The following SAFB variants were observed in gnomAD, a reference collection of about 807,000 sequenced individuals.
The protein encoded by SAFB is scaffold attachment factor B1.
SAFB carries 15 observed loss-of-function variants against 101.6 expected under a neutral mutation model. The observed-to-expected ratio is 0.15, with a 90% CI of 0.10 to 0.23. The LOEUF is 0.23. Among genes scored for constraint, SAFB ranks in the 10% least tolerant of loss-of-function variants. The pLI is 1.00. For missense variants in SAFB, 930 were observed against 1,104.1 expected, an observed-to-expected ratio of 0.84 and a Z score of 2.23; for synonymous variants, 449 against 407.5, an observed-to-expected ratio of 1.10 and a Z score of -1.23.
chr19:5,628,451 A>G, intron 2 of SAFB, among the ~76,000 whole-genome samples: 1 of 152,172 alleles, frequency 6.6e-6, no homozygotes, highest in South Asian at 2.1e-4. Context: ...ACACCTGAAG[A>G]TAATTTAATA....
In SAFB at chr19:5,626,461, CAAG is replaced by C; in HGVS notation, c.249_251del (p.Lys84del). The C allele has an allele frequency of 6.2e-7, 1 of 1,607,526 alleles. No homozygotes were observed. The highest frequency in any genetic ancestry group is 8.5e-7 in the Non-Finnish European group (1 of 1,174,060). On this transcript the variant is annotated inframe_deletion, in exon 2 of 21. Transcript: ENST00000588852. ...AAATTGAAATTACCTCCGAGGGAAA[CAAG>C]AAAACATCAAAGAGGTCTAGCAAAG...
chr19:5,653,124 G>A lies in SAFB; in HGVS notation c.1303G>A (p.Ala435Thr), dbSNP rs1402568400. 3 of 1,613,466 alleles carry A rather than the reference G, an allele frequency of 1.9e-6. No individual in the cohort carries two copies. The highest frequency in any genetic ancestry group is 1.7e-6 in the Non-Finnish European group (2 of 1,180,014). Residue 435 changes from alanine (A) to threonine (T), a missense_variant, in exon 10 of 21, where the codon GCC becomes ACC. By Grantham distance (58) the Ala-to-Thr change is moderately conservative (BLOSUM62 0). Coordinates refer to ENST00000588852, the MANE Select transcript of SAFB (RefSeq NM_001201338.2). ...LFSKYGKVVG[A>T]KVVTNARSPG... The stretch of plus-strand genomic sequence containing the variant: ...CCTGCTTTCCTTTGAGGTGGTGGGC[G>A]CCAAGGTTGTGACAAATGCCCGGAG...
Position 5,667,479 on chromosome 19 carries a change from G to A in SAFB, c.2557+29G>A, listed in dbSNP as rs1346774754. 5 of 1,443,928 alleles carry A rather than the reference G, an allele frequency of 3.5e-6. No individual in the cohort carries two copies. Among genetic ancestry groups the A allele is most frequent in the Non-Finnish European group, 4.7e-6 (5 of 1,071,020 alleles). The allele number at this position is 1,443,928 out of a possible 1,614,324, so 89.4% of individuals were successfully genotyped here. A position where few individuals can be genotyped will look rare whatever the true frequency, so the allele number is the denominator to read the frequency against. ...AGGAGCAGCTCTGGGCTGGGACCAG[G>A]ATGTGCTGGGGAGTGATGGAAAGAT... On this transcript the variant is annotated intron_variant, in intron 19 of 20. Coordinates refer to ENST00000588852, the MANE Select transcript of SAFB (RefSeq NM_001201338.2). This position sits in a 1 kb window ranked among gnomAD's most constrained non-coding sequence, Gnocchi z 4.0.
chr19:5,637,927 C>G (rs972631761), intron 2 of SAFB, among the ~76,000 whole-genome samples: 8 of 152,188 alleles, frequency 5.3e-5, no homozygotes. Context: ...ACATGGAAGA[C>G]AGTCAAAGAG....
At position 5,641,877 on chromosome 19, in the gene SAFB, C is replaced by T. The variant is rs1391962903; in HGVS notation, c.477C>T (p.Ser159=). 1.9e-6 allele frequency: 3 copies of T among 1,614,062 alleles called. No homozygotes were observed. The highest frequency in any genetic ancestry group is 2.2e-5 in the South Asian group (2 of 91,060). Residue 159 remains serine, a synonymous_variant, in exon 4 of 21, where the codon TCC becomes TCT. Transcript: ENST00000588852. ...ATGATGCTGATAACCTCCAGGAGTCCCTGTCGGATAGTAGAGAGCTAGTCG... is the reference window on the plus strand; with the variant it reads ...ATGATGCTGATAACCTCCAGGAGTCTCTGTCGGATAGTAGAGAGCTAGTCG... ...EDDDADNLQE[S]LSDSRELVEG...
At chr19:5,628,821 A>C (rs1294448139) in intron 2 of SAFB, among the ~76,000 whole-genome samples, 1 of 152,242 alleles carries the variant, frequency 6.6e-6, no homozygotes, top group Non-Finnish European at 1.5e-5. Flanking sequence ...AGTCCTGGAA[A>C]ATCAATGGAG....
At chr19:5,647,992 T>A in intron 5 of SAFB, 24 bp from the exon 6 acceptor site, 1 of 1,607,214 alleles carries the variant, frequency 6.2e-7, no homozygotes, top group South Asian at 1.1e-5. Context: ...TCTGGCACAG[T>A]CTTATTTACG....
intron 17 of SAFB, 113 bp downstream of exon 17, chr19:5,664,552 A>G: frequency 1.2e-6 from 1 of 814,252 alleles, no homozygotes; most frequent in South Asian, 1.4e-5. Flanking sequence ...ATGAGGAAAG[A>G]GAAAAGTAAA....
chr19:5,624,346 G>A lies in SAFB; in HGVS notation c.189+952G>A, dbSNP rs574766172. 2.6e-5 allele frequency among the ~76,000 whole-genome samples: 4 copies of A among 152,132 alleles called. No homozygotes were observed. In the East Asian group the frequency reaches 5.8e-4, roughly 22 times the overall value. On this transcript the variant is annotated intron_variant, in intron 1 of 20. Coordinates refer to ENST00000588852, the MANE Select transcript of SAFB (RefSeq NM_001201338.2). ...GGCGCATGTAAACACTCGGTGTGTGGTTGCCATCACGATTCGCTTTTCCTC... is the reference window on the plus strand; with the variant it reads ...GGCGCATGTAAACACTCGGTGTGTGATTGCCATCACGATTCGCTTTTCCTC...
At chr19:5,648,461 A>G (rs1251849449) in intron 6 of SAFB, 1 of 277,998 alleles carries the variant, frequency 3.6e-6, no homozygotes, top group Non-Finnish European at 6.9e-6. Context: ...ATTTTAAAAC[A>G]TAAATTTGAG....
intron 2 of SAFB, among the ~76,000 whole-genome samples, chr19:5,627,725 C>G (rs1870248697): frequency 1.3e-5 from 2 of 152,138 alleles, no homozygotes; most frequent in South Asian, 4.1e-4. Context: ...CCCCATCTGT[C>G]TGCCTTAGAG....
At chr19:5,629,516 GTTT>G (rs1157704516) in intron 2 of SAFB, among the ~76,000 whole-genome samples, 1 of 151,956 alleles carries the variant, frequency 6.6e-6, no homozygotes, top group Non-Finnish European at 1.5e-5. Flanking sequence ...AAATCTCACT[GTTT>G]TTTAACAGGC....
chr19:5,659,160 C>T (rs1334785335), intron 14 of SAFB, among the ~76,000 whole-genome samples: 1 of 150,912 alleles, frequency 6.6e-6, no homozygotes, highest in Non-Finnish European at 1.5e-5. Flanking sequence ...AAAAAATCAG[C>T]TGGGCGTGGT....
Position 5,623,411 on chromosome 19 carries a change from G to A in SAFB, c.189+17G>A, listed in dbSNP as rs369693695. The A allele has an allele frequency of 1.2e-6, 2 of 1,609,830 alleles. No homozygotes were observed. The highest frequency in any genetic ancestry group is 1.3e-5 in the African/African-American group (1 of 74,846). ...CTGAAGAAGGTGGATTTGGGGCCCC[G>A]AGGGCGGGCACAGGGTGGGTCTGGG... is the stretch of plus-strand genomic sequence containing the variant. On this transcript the variant is annotated intron_variant, in intron 1 of 20. Coordinates refer to ENST00000588852, the MANE Select transcript of SAFB (RefSeq NM_001201338.2).
chr19:5,663,838 A>G (rs2054269445), intron 15 of SAFB, among the ~76,000 whole-genome samples, 184 bp from the exon 16 acceptor site: 1 of 152,182 alleles, frequency 6.6e-6, no homozygotes, highest in Non-Finnish European at 1.5e-5. Flanking sequence ...AGGTGGGTGC[A>G]TGGGACAAAA....
intron 14 of SAFB, among the ~76,000 whole-genome samples, chr19:5,659,975 C>T (rs2054157968): frequency 6.6e-6 from 1 of 152,206 alleles, no homozygotes. Flanking sequence ...ACTAGGGGCT[C>T]CTCCGGAAGG....
Position 5,664,058 on chromosome 19 carries a change from C to T in SAFB, c.2190C>T (p.Ala730=), listed in dbSNP as rs367632649. ...CCTATTGGCCGGAAGCCAAGCGGGC[C>T]GCCCTGGATGAGCGCTACCATTCTG... ...DDAYWPEAKR[A]ALDERYHSDF... Residue 730 remains alanine, a synonymous_variant, in exon 16 of 21, where the codon GCC becomes GCT. Coordinates refer to ENST00000588852, the MANE Select transcript of SAFB (RefSeq NM_001201338.2). The T allele has an allele frequency of 6.7e-5, 108 of 1,614,022 alleles. 1 individual carries two copies. In the African/African-American group the frequency reaches 8.0e-4, roughly 12 times the overall value.
intron 15 of SAFB, among the ~76,000 whole-genome samples, chr19:5,662,890 C>A (rs2054247294): frequency 1.3e-5 from 2 of 152,026 alleles, no homozygotes; most frequent in Admixed American, 1.3e-4. Context: ...GATCCACCCA[C>A]CTCAGACTCC....
intron 5 of SAFB, among the ~76,000 whole-genome samples, chr19:5,646,585 C>T (rs983306237): frequency 3.3e-5 from 5 of 152,168 alleles, no homozygotes; most frequent in Non-Finnish European, 5.9e-5. Flanking sequence ...TTGCTTCAGT[C>T]CTATGGTCAG....
Sources: gnomAD v4.1 joint callset for allele counts (sites outside exome capture counted in the v4.1 genomes callset) on GRCh38, gnomAD v4.1.1 for gene constraint, Gnocchi (gnomAD v3.1) non-coding constraint, MANE v1.5 for transcripts, NCBI Gene and HGNC (gene_info 2026-07-23, HGNC 2026-07-21) for gene names.